The following CAPN8 variants were observed in gnomAD, a reference collection of about 807,000 sequenced individuals.
CAPN8 encodes the protein calpain-8.
CAPN8 carries 87 observed loss-of-function variants against 80.9 expected under a neutral mutation model. That is an observed-to-expected ratio of 1.07 (90% CI 0.90 to 1.28). The LOEUF (loss-of-function observed/expected upper bound fraction) is 1.28. Among genes scored for constraint, CAPN8 ranks in the 50% most tolerant of loss-of-function variants. The probability of loss-of-function intolerance (pLI) is 0.00; values close to 1 mark genes in which losing one functional copy is unlikely to be tolerated. For missense variants in CAPN8, 757 were observed against 702.0 expected, an observed-to-expected ratio of 1.08 and a Z score of -0.89; for synonymous variants, 299 against 273.8, an observed-to-expected ratio of 1.09 and a Z score of -0.91.
At chr1:223,626,854 C>G (rs1657596044) in intron 5 of CAPN8, 135 bp downstream of exon 5, 1 of 859,240 alleles carries the variant, frequency 1.2e-6, no homozygotes, top group Non-Finnish European at 1.8e-6. Context: ...TGTCACTAGA[C>G]TTGCCCACTA....
chr1:223,627,701 G>A (rs1324176503), intron 4 of CAPN8, among the ~76,000 whole-genome samples: 2 of 152,170 alleles, frequency 1.3e-5, no homozygotes, highest in Non-Finnish European at 2.9e-5. Flanking sequence ...TCTTTTAAAC[G>A]TTTACATTGC....
intron 2 of CAPN8, among the ~76,000 whole-genome samples, chr1:223,650,623 T>C (rs945823913): frequency 3.3e-5 from 5 of 152,058 alleles, no homozygotes; most frequent in South Asian, 2.1e-4. Flanking sequence ...AGAAGAGAGA[T>C]GGGCAGAGAG....
intron 1 of CAPN8, among the ~76,000 whole-genome samples, chr1:223,661,634 T>C (rs1240765999): frequency 6.6e-6 from 1 of 151,614 alleles, no homozygotes; most frequent in African/African-American, 2.4e-5. Context: ...AAACTCCATC[T>C]CAAAAAAGAA....
At chr1:223,549,727 C>T (rs1656733509) in intron 15 of CAPN8, among the ~76,000 whole-genome samples, 1 of 152,180 alleles carries the variant, frequency 6.6e-6, no homozygotes, top group Admixed American at 6.5e-5. Context: ...CATACTTGCC[C>T]CAAAGACTGG....
chr1:223,646,196 G>A (rs1284923263), intron 2 of CAPN8, among the ~76,000 whole-genome samples: 1 of 152,240 alleles, frequency 6.6e-6, no homozygotes, highest in Non-Finnish European at 1.5e-5. Context: ...CAAAGGACTT[G>A]TTAGATGGGA....
chr1:223,655,488 G>C (rs4653877), intron 1 of CAPN8, among the ~76,000 whole-genome samples: 26,481 of 152,122 alleles, frequency 0.17, 2,937 homozygotes, highest in East Asian at 0.29. Context: ...GCAGGCAGGG[G>C]AAAGAGGGAA....
chr1:223,649,287 T>C lies in CAPN8; in HGVS notation c.307+5043A>G, dbSNP rs2102731911. Among the ~76,000 whole-genome samples, 3 of 152,352 alleles carry C rather than the reference T, an allele frequency of 2.0e-5. No individual in the cohort carries two copies. In the South Asian group the frequency reaches 6.2e-4, roughly 32 times the overall value. ...CACCTTAGTGTTTCCTGCCTGTGGA[T>C]GCACTCAGGTAAGAACTGGATGGAG... On this transcript the variant is annotated intron_variant, in intron 2 of 20. Coordinates refer to ENST00000366872, the MANE Select transcript of CAPN8 (RefSeq NM_001143962.2).
At position 223,628,094 on chromosome 1, in the gene CAPN8, G is replaced by T; in HGVS notation, c.475C>A (p.Pro159Thr). ...AAGAGCAGCTGTCCATTCTTGGTGG[G>T]CAGCCTGTCGTCAATGACCACCTCC... Reference protein sequence around the residue: ...WVEVVIDDRLPTKNGQLLFLH... With the variant: ...WVEVVIDDRLTTKNGQLLFLH... The change falls in exon 4 of 21, where the codon CCC becomes ACC. Residue 159 changes from proline (P) to threonine (T), a missense_variant. Physicochemically the swap from Pro to Thr is conservative, Grantham distance 38 (BLOSUM62 -1). Transcript: ENST00000366872. The T allele has an allele frequency of 6.4e-7, 1 of 1,550,854 alleles. No homozygotes were observed. Among genetic ancestry groups the T allele is most frequent in the Non-Finnish European group, 8.7e-7 (1 of 1,146,688 alleles).
At chr1:223,548,987 G>A (rs1656708435) in intron 16 of CAPN8, among the ~76,000 whole-genome samples, 1 of 152,046 alleles carries the variant, frequency 6.6e-6, no homozygotes, top group African/African-American at 2.4e-5. Context: ...GGAAGATGAA[G>A]AGATGAACAG....
At chr1:223,641,836 G>A (rs564775986) in intron 2 of CAPN8, among the ~76,000 whole-genome samples, 89 of 152,294 alleles carry the variant, frequency 5.8e-4, no homozygotes, top group African/African-American at 1.7e-3. Context: ...CTGGCATGAA[G>A]AAGACATTTG....
intron 9 of CAPN8, chr1:223,618,329 C>A (rs1224258240): frequency 3.9e-6 from 6 of 1,549,358 alleles, no homozygotes; most frequent in Non-Finnish European, 5.2e-6. Context: ...GAAAGCTTCC[C>A]ACCTTGCACC....
chr1:223,625,944 C>T (rs1019322487), intron 5 of CAPN8, 56 bp from the exon 6 acceptor site: 33 of 1,404,690 alleles, frequency 2.3e-5, no homozygotes, highest in Non-Finnish European at 3.0e-5. Context: ...AGGGGCCGGC[C>T]GTAGAATGCT....
intron 3 of CAPN8, 130 bp downstream of exon 3, chr1:223,628,520 AAGTGTGCATCAG>A: frequency 1.5e-6 from 1 of 652,214 alleles, no homozygotes; most frequent in East Asian, 2.7e-5. Flanking sequence ...TCTCAGACTG[AAGTGTGCATCAG>A]AGTCACCTAG....
At chr1:223,645,177 A>G (rs1411773783) in intron 2 of CAPN8, among the ~76,000 whole-genome samples, 2 of 152,180 alleles carry the variant, frequency 1.3e-5, no homozygotes, top group Non-Finnish European at 2.9e-5. Context: ...AAGGGCAGGA[A>G]GCATCCAGCG....
intron 9 of CAPN8, 103 bp downstream of exon 9, chr1:223,619,190 T>C: frequency 2.9e-6 from 4 of 1,372,896 alleles, no homozygotes; most frequent in Non-Finnish European, 4.0e-6. Context: ...CAAGGCCCTG[T>C]CTCAAAAAAA....
At chr1:223,627,441 G>A (rs1657623261) in intron 4 of CAPN8, among the ~76,000 whole-genome samples, 2 of 152,220 alleles carry the variant, frequency 1.3e-5, no homozygotes, top group Admixed American at 1.3e-4. Context: ...GGGTTTCTGG[G>A]GGCTGGGGGC....
intron 2 of CAPN8, among the ~76,000 whole-genome samples, chr1:223,651,896 T>C (rs187161536): frequency 1.5e-3 from 234 of 152,346 alleles, no homozygotes; most frequent in Non-Finnish European, 2.5e-3. Flanking sequence ...ATTCAGAATA[T>C]GTACTTAGAT....
intron 2 of CAPN8, among the ~76,000 whole-genome samples, chr1:223,641,257 G>A (rs568955460): frequency 1.7e-4 from 26 of 151,880 alleles, no homozygotes; most frequent in South Asian, 6.2e-4. Flanking sequence ...AAGAGCTAGC[G>A]CAAAACTGCA....
chr1:223,656,154 C>CT (rs11321267), intron 1 of CAPN8, among the ~76,000 whole-genome samples: 26 of 147,400 alleles, frequency 1.8e-4, no homozygotes, highest in South Asian at 6.5e-4. Context: ...TCTGGGCTGA[C>CT]TTTTTTTTTT....
Sources: allele counts gnomAD v4.1 joint callset (sites outside exome capture counted in the v4.1 genomes callset), GRCh38; gene constraint gnomAD v4.1.1; transcripts MANE v1.5; gene names NCBI Gene and HGNC (gene_info 2026-07-23, HGNC 2026-07-21).